The following MEG3 variants were observed in gnomAD, a reference collection of about 807,000 sequenced individuals.
The protein encoded by MEG3 is Very putative protein from MEG3 locus.
intron 3 of MEG3, chr14:100,847,884 C>T (rs1234534501): frequency 2.0e-5 from 3 of 152,116 alleles, no homozygotes; most frequent in South Asian, 2.1e-4. Flanking sequence ...CCTGACTCCA[C>T]TAATAGAGGA....
chr14:100,854,154 A>T (rs1450987828), upstream of MEG3: 1 of 152,288 alleles, frequency 6.6e-6, no homozygotes, highest in East Asian at 1.9e-4. Context: ...TACAATGTTC[A>T]GCAATGTATG....
At chr14:100,849,318 TGCAGAAG>T (rs1416283964) in intron 3 of MEG3, 1 of 152,060 alleles carries the variant, frequency 6.6e-6, no homozygotes, top group Non-Finnish European at 1.5e-5. Flanking sequence ...CGGACCAGTG[TGCAGAAG>T]GCTCCAGGAA....
rs1566724213 is a variant in MEG3, at chr14:100,836,238, G to GGCCCACCATCA, written n.2993_2994insAGCCCACCATC. 6.6e-6 allele frequency: 3 copies of GGCCCACCATCA among 456,634 alleles called. No individual in the cohort carries two copies. In the Admixed American group the frequency reaches 7.0e-5, roughly 11 times the overall value. 28.3% of individuals were successfully genotyped at this position (456,634 alleles called of 1,614,324 possible). A position where few individuals can be genotyped will look rare whatever the true frequency, so the allele number is the denominator to read the frequency against. ...GAAGCTGCGGAAGAGGCCCTGATGG[G>GGCCCACCATCA]GCCCACCATCCCGGACCCAAGTCTT... On this transcript the variant is annotated non_coding_transcript_exon_variant, in exon 2 of 4. Transcript: ENST00000398461.
chr14:100,845,030 C>T lies in MEG3; in HGVS notation n.3046-428C>T, dbSNP rs974332283. The stretch of plus-strand genomic sequence containing the variant: ...TGCAGCCCTCTGTGGGCTGCCCTCC[C>T]GGCCACACCCCGCTTCCCTGGTCTC... On this transcript the variant is annotated intron_variant and non_coding_transcript_variant, in intron 2 of 3. Transcript: ENST00000398461. This position sits in a 1 kb window ranked among gnomAD's most constrained non-coding sequence, Gnocchi z 5.2. 1.6e-4 allele frequency among the ~76,000 whole-genome samples: 25 copies of T among 152,144 alleles called. No individual in the cohort carries two copies. The highest frequency in any genetic ancestry group is 1.2e-4 in the Non-Finnish European group (8 of 68,030).
chr14:100,837,533 T>C lies in MEG3; in HGVS notation n.3045+1233T>C, dbSNP rs1203138690. Among the ~76,000 whole-genome samples the C allele has an allele frequency of 3.3e-5, 5 of 151,972 alleles. No homozygotes were observed. The highest frequency in any genetic ancestry group is 4.8e-5 in the African/African-American group (2 of 41,350). On this transcript the variant is annotated intron_variant and non_coding_transcript_variant, in intron 2 of 3. Transcript: ENST00000398461. This position sits in a 1 kb window ranked among gnomAD's most constrained non-coding sequence, Gnocchi z 5.8. ...CTGTCCTTGGCCCAGATGCCAATAC[T>C]CCCCTCTGGACGCCCACGAATGGGG...
intron 2 of MEG3, among the ~76,000 whole-genome samples, chr14:100,838,566 G>T (rs984029317): frequency 1.1e-4 from 17 of 152,194 alleles, no homozygotes; most frequent in African/African-American, 4.1e-4. Flanking sequence ...GAGCCATAGC[G>T]GGTGGAGATG....
exon 1 of MEG3, chr14:100,834,349 G>A (rs901713090): frequency 6.1e-5 from 15 of 247,604 alleles, no homozygotes; most frequent in East Asian, 1.1e-4. Flanking sequence ...TGGAAAGCCC[G>A]GAGAGGGCGT....
intron 3 of MEG3, chr14:100,846,652 G>A (rs556522897): frequency 3.3e-5 from 5 of 152,334 alleles, no homozygotes; most frequent in African/African-American, 1.2e-4. Context: ...GAATAAACAA[G>A]TAAATAGGTA....
chr14:100,841,308 C>T (rs978146863), intron 2 of MEG3, among the ~76,000 whole-genome samples: 1 of 152,192 alleles, frequency 6.6e-6, no homozygotes, highest in Non-Finnish European at 1.5e-5. Flanking sequence ...TGTGCTCAGC[C>T]CTGACTATGG....
chr14:100,827,985 T>TGGGGGCGCA lies in MEG3; in HGVS notation n.372-720_372-712dup, dbSNP rs145654554. Among the ~76,000 whole-genome samples the TGGGGGCGCA allele has an allele frequency of 8.3e-3, 1,264 of 152,224 alleles. 12 individuals are homozygous for TGGGGGCGCA. The highest frequency in any genetic ancestry group is 0.029 in the African/African-American group (1,203 of 41,524). ...TCCTCTGGGGCTGGGGCCCGGTGGCTGGGGGCGCAGGAGGCGCCTGGTGCG... is the reference window on the plus strand; with the variant it reads ...TCCTCTGGGGCTGGGGCCCGGTGGCTGGGGGCGCAGGGGGCGCAGGAGGCGCCTGGTGCG... On this transcript the variant is annotated intron_variant and non_coding_transcript_variant, in intron 1 of 2. Transcript: ENST00000556407.
chr14:100,860,440 G>C (rs2038371061), intron 1 of MEG3: 1 of 356,398 alleles, frequency 2.8e-6, no homozygotes, highest in African/African-American at 2.1e-5. Context: ...CTAGAGTGAT[G>C]CTTCCAGAAG....
At chr14:100,829,700 C>T (rs1452788973), downstream of MEG3, 1 of 152,194 alleles carries the variant, frequency 6.6e-6, no homozygotes, top group Admixed American at 6.5e-5. Context: ...CTTATTTATT[C>T]TCCAACAGCA....
intron 2 of MEG3, among the ~76,000 whole-genome samples, chr14:100,842,222 GC>G (rs935576274): frequency 6.6e-6 from 1 of 152,164 alleles, no homozygotes; most frequent in Non-Finnish European, 1.5e-5. Context: ...AATTAGACGG[GC>G]AGACTGCTTT....
intron 2 of MEG3, among the ~76,000 whole-genome samples, chr14:100,839,228 C>T (rs988990319): frequency 1.3e-5 from 2 of 152,074 alleles, no homozygotes; most frequent in African/African-American, 2.4e-5. Flanking sequence ...GTGGACAATG[C>T]GGAAGCCAGC....
At chr14:100,855,417 T>A (rs1424362133), upstream of MEG3, 1 of 152,408 alleles carries the variant, frequency 6.6e-6, no homozygotes, top group Non-Finnish European at 1.5e-5. Context: ...TCTGCCACTG[T>A]CACCCATAGC....
intron 2 of MEG3, among the ~76,000 whole-genome samples, chr14:100,841,082 G>A (rs867401477): frequency 4.6e-5 from 7 of 152,204 alleles, no homozygotes; most frequent in Non-Finnish European, 5.9e-5. Flanking sequence ...GGGCAGCTGC[G>A]AGAGAGGGGA....
intron 2 of MEG3, among the ~76,000 whole-genome samples, chr14:100,844,935 A>G (rs2139981032): frequency 6.6e-6 from 1 of 152,334 alleles, no homozygotes; most frequent in Admixed American, 6.5e-5. Flanking sequence ...AAATTGCCAC[A>G]GTGGAGTTGT....
chr14:100,852,829 C>T (rs2038125278), upstream of MEG3: 1 of 189,174 alleles, frequency 5.3e-6, no homozygotes, highest in East Asian at 1.5e-4. Flanking sequence ...TAGGGGCTGT[C>T]CTGACGGGTC....
chr14:100,853,242 A>G (rs1252153355), upstream of MEG3: 3 of 152,106 alleles, frequency 2.0e-5, no homozygotes, highest in Non-Finnish European at 4.4e-5. Context: ...TGTCATTTGC[A>G]TGCTCCCCAC....
Sources: allele counts gnomAD v4.1 joint callset (sites outside exome capture counted in the v4.1 genomes callset), GRCh38; gene constraint gnomAD v4.1.1; non-coding constraint Gnocchi (gnomAD v3.1); transcripts MANE v1.5; gene names NCBI Gene and HGNC (gene_info 2026-07-23, HGNC 2026-07-21).